PIEZO2: variants seen among roughly 807,000 people sequenced by gnomAD.
The protein encoded by PIEZO2 is piezo type mechanosensitive ion channel component 2.
PIEZO2 carries 172 observed loss-of-function variants against 337.3 expected under a neutral mutation model. The ratio of observed to expected loss-of-function variants is 0.51; its 90% confidence interval spans 0.45 to 0.58. The LOEUF is 0.58. PIEZO2 is among the 20% of genes least tolerant of loss of function. The pLI, the probability that PIEZO2 is intolerant of heterozygous loss-of-function variation, is 0.00. For synonymous variants in PIEZO2, 1,251 were observed against 1,228.5 expected (o/e 1.02, Z -0.38); for missense variants, 3,028 against 3,391.3 (o/e 0.89, Z 2.66).
intron 2 of PIEZO2, among the ~76,000 whole-genome samples, chr18:11,025,254 TC>T (rs1283638444): frequency 6.6e-6 from 1 of 152,184 alleles, no homozygotes. Context: ...TATATAACCC[TC>T]TGGAAACAGT....
intron 3 of PIEZO2, among the ~76,000 whole-genome samples, chr18:10,974,391 C>A (rs370222419): frequency 3.3e-5 from 5 of 152,176 alleles, no homozygotes; most frequent in South Asian, 2.1e-4. Context: ...AGGGGGCTAA[C>A]CTTTGGGGGA....
At chr18:10,675,315 ATTACGTT>A in intron 53 of PIEZO2, 27 bp from the exon 54 acceptor site, 1 of 1,366,378 alleles carries the variant, frequency 7.3e-7, no homozygotes, top group Non-Finnish European at 9.9e-7. Flanking sequence ...AAAAGATACA[ATTACGTT>A]TTAGTTGTTT....
At position 10,697,764 on chromosome 18, in the gene PIEZO2, C is replaced by T. The variant is rs758158946; in HGVS notation, c.6811G>A (p.Ala2271Thr). ...KLQEHLIKAK[A>T]FTIKKTLEIY... Reference sequence around the variant, plus strand: ...TGGACTCACTTCTTTATGGTAAAGGCTTTTGCTTTGATTAAATGTTCTTGA... The same window carrying T: ...TGGACTCACTTCTTTATGGTAAAGGTTTTTGCTTTGATTAAATGTTCTTGA... The change falls in exon 45 of 56, where the codon GCC becomes ACC. Residue 2271 changes from alanine to threonine, a missense_variant. Physicochemically the swap from Ala to Thr is moderately conservative, Grantham distance 58. This residue lies in a region of PIEZO2 where 1,925 missense variants were observed against 2,051.9 expected (regional missense o/e 0.94). Coordinates refer to ENST00000674853, the MANE Select transcript of PIEZO2 (RefSeq NM_001378183.1). The T allele has an allele frequency of 6.2e-7, 1 of 1,614,076 alleles. No individual in the cohort carries two copies. The highest frequency in any genetic ancestry group is 8.5e-7 in the Non-Finnish European group (1 of 1,180,022).
chr18:10,786,368 T>C (rs2039225455), intron 16 of PIEZO2, among the ~76,000 whole-genome samples: 1 of 152,274 alleles, frequency 6.6e-6, no homozygotes, highest in Admixed American at 6.5e-5. Context: ...CAGCATTTAA[T>C]AAATGCTTAT....
In PIEZO2 at chr18:10,942,433, G is replaced by A. The variant is rs888048494; in HGVS notation, c.287-31205C>T. ...TAGATGAGGAACTTGTTGGGAAATGGAGCAAACACAACTCTTGTTATGTTT... is the reference window on the plus strand; with the variant it reads ...TAGATGAGGAACTTGTTGGGAAATGAAGCAAACACAACTCTTGTTATGTTT... On this transcript the variant is annotated intron_variant, in intron 3 of 55. Transcript: ENST00000674853. This position sits in a 1 kb window ranked among gnomAD's most constrained non-coding sequence, Gnocchi z 4.4. Among the ~76,000 whole-genome samples, 4 of 152,166 alleles carry A rather than the reference G, an allele frequency of 2.6e-5. No homozygotes were observed. The highest frequency in any genetic ancestry group is 1.3e-4 in the Admixed American group (2 of 15,284).
At chr18:11,024,700 G>A (rs1277189867) in intron 2 of PIEZO2, among the ~76,000 whole-genome samples, 1 of 152,016 alleles carries the variant, frequency 6.6e-6, no homozygotes, top group Non-Finnish European at 1.5e-5. Flanking sequence ...GAGTGCAATG[G>A]TGCAATCTCA....
intron 7 of PIEZO2, among the ~76,000 whole-genome samples, chr18:10,851,930 C>T (rs776442504): frequency 1.3e-5 from 2 of 151,938 alleles, no homozygotes; most frequent in South Asian, 2.1e-4. Context: ...TACCCTCAGC[C>T]GCTAGATGGC....
chr18:10,979,019 T>C lies in PIEZO2; in HGVS notation c.286+516A>G, dbSNP rs1159687685. On this transcript the variant is annotated intron_variant, in intron 3 of 55. Coordinates refer to ENST00000674853, the MANE Select transcript of PIEZO2 (RefSeq NM_001378183.1). This position sits in a 1 kb window ranked among gnomAD's most constrained non-coding sequence, Gnocchi z 4.0. ...TTAAGAGATACTGTTTCCCTATAAA[T>C]ACTAATAAAAAAAACCTTCCAATTC... Among the ~76,000 whole-genome samples the C allele has an allele frequency of 1.3e-5, 2 of 152,034 alleles. No homozygotes were observed. The highest frequency in any genetic ancestry group is 2.9e-5 in the Non-Finnish European group (2 of 68,008).
intron 43 of PIEZO2, among the ~76,000 whole-genome samples, chr18:10,699,837 C>T (rs959535783): frequency 1.3e-5 from 2 of 152,124 alleles, no homozygotes; most frequent in African/African-American, 2.4e-5. Context: ...TGCTGTTGGA[C>T]GGAGCTCTCC....
At chr18:11,118,340 A>T (rs7232631) in intron 1 of PIEZO2, among the ~76,000 whole-genome samples, 83,648 of 151,822 alleles carry the variant, frequency 0.55, 26,460 homozygotes, top group Non-Finnish European at 0.7. Context: ...CTTCTTTCAT[A>T]CTCATTTCCT....
intron 27 of PIEZO2, among the ~76,000 whole-genome samples, chr18:10,756,753 G>A (rs1227391062): frequency 2.0e-5 from 3 of 149,674 alleles, no homozygotes; most frequent in Admixed American, 6.7e-5. Context: ...TGTGGATGAA[G>A]GATGAAACAT....
At chr18:10,891,619 T>A (rs1352708852) in intron 4 of PIEZO2, among the ~76,000 whole-genome samples, 1 of 152,172 alleles carries the variant, frequency 6.6e-6, no homozygotes, top group Non-Finnish European at 1.5e-5. Flanking sequence ...CCAGGTGACT[T>A]CAGGTCAGGT....
intron 7 of PIEZO2, among the ~76,000 whole-genome samples, chr18:10,823,481 T>C (rs1412538810): frequency 6.6e-6 from 1 of 152,234 alleles, no homozygotes; most frequent in East Asian, 1.9e-4. Context: ...AAGTGCCATC[T>C]GTTATCTAGA....
At chr18:10,798,119 C>A (rs180758027) in intron 11 of PIEZO2, among the ~76,000 whole-genome samples, 25 of 152,328 alleles carry the variant, frequency 1.6e-4, no homozygotes, top group African/African-American at 5.8e-4. Context: ...AGATTCTCCC[C>A]CTCTCCGACA....
chr18:10,998,269 A>G (rs1297927684), intron 2 of PIEZO2, among the ~76,000 whole-genome samples: 2 of 152,090 alleles, frequency 1.3e-5, no homozygotes, highest in African/African-American at 4.8e-5. Context: ...GGGAAATGGT[A>G]CCAAAAAAAC....
intron 47 of PIEZO2, among the ~76,000 whole-genome samples, chr18:10,694,118 AC>A (rs1478406867): frequency 6.6e-6 from 1 of 152,036 alleles, no homozygotes; most frequent in Non-Finnish European, 1.5e-5. Context: ...TCCCAATTCT[AC>A]TTTCCTTTAA....
At chr18:10,948,349 G>T (rs1433516430) in intron 3 of PIEZO2, among the ~76,000 whole-genome samples, 1 of 151,938 alleles carries the variant, frequency 6.6e-6, no homozygotes, top group Non-Finnish European at 1.5e-5. Flanking sequence ...AATTAATTTT[G>T]TTGACTTAGA....
chr18:11,051,932 C>T lies in PIEZO2; in HGVS notation c.160+14195G>A, dbSNP rs1189895604. Among the ~76,000 whole-genome samples the T allele has an allele frequency of 4.6e-5, 7 of 152,224 alleles. No homozygotes were observed. In the East Asian group the frequency reaches 5.8e-4, roughly 13 times the overall value. On this transcript the variant is annotated intron_variant, in intron 2 of 55. Coordinates refer to ENST00000674853, the MANE Select transcript of PIEZO2 (RefSeq NM_001378183.1). ...GGAAAGGCTTGGTGAAGTGAAGCCA[C>T]GAAAGAAAAGCAGGAAGTAGACTGA...
rs887007497 is a variant in PIEZO2, at chr18:11,126,823, G to A, written c.64+21702C>T. ...TTTTAAAGCCCCAGTGACCCTATGAGGTAGTTACTTTTATTGCCTGCATTT... is the reference window on the plus strand; with the variant it reads ...TTTTAAAGCCCCAGTGACCCTATGAAGTAGTTACTTTTATTGCCTGCATTT... On this transcript the variant is annotated intron_variant, in intron 1 of 55. Coordinates refer to ENST00000674853, the MANE Select transcript of PIEZO2 (RefSeq NM_001378183.1). The surrounding 1 kb of genome is among the most constrained non-coding windows in gnomAD (Gnocchi z 4.6). 2.0e-5 allele frequency among the ~76,000 whole-genome samples: 3 copies of A among 152,016 alleles called. No individual in the cohort carries two copies. The highest frequency in any genetic ancestry group is 7.3e-5 in the African/African-American group (3 of 41,374).
Sources: gnomAD v4.1 joint callset for allele counts (sites outside exome capture counted in the v4.1 genomes callset) on GRCh38, gnomAD v4.1.1 for gene constraint, gnomAD v4.1.1 regional missense constraint, Gnocchi (gnomAD v3.1) non-coding constraint, MANE v1.5 for transcripts, NCBI Gene and HGNC (gene_info 2026-07-23, HGNC 2026-07-21) for gene names.